CNBD1: variants seen among roughly 807,000 people sequenced by gnomAD.
The protein encoded by CNBD1 is cyclic nucleotide binding domain containing 1.
A neutral mutation model predicts 54.4 loss-of-function variants in CNBD1; 71 were observed. That is an observed-to-expected ratio of 1.30 (90% CI 1.08 to 1.59). The LOEUF (loss-of-function observed/expected upper bound fraction) is 1.59. CNBD1 is among the 40% of genes most tolerant of loss of function. CNBD1 has a pLI of 0.00. For synonymous variants in CNBD1, 182 were observed against 170.7 expected (o/e 1.07, Z -0.51); for missense variants, 659 against 518.0 (o/e 1.27, Z -2.64).
Position 87,170,965 on chromosome 8 carries a change from G to A in CNBD1, c.432-35028G>A, listed in dbSNP as rs147899772. ...CAATATTCATCGGAGATATTGGTCT[G>A]TAGGTTTTTTTGTGTATGTGATGTG... On this transcript the variant is annotated intron_variant, in intron 4 of 10. Transcript: ENST00000518476. 3.3e-5 allele frequency among the ~76,000 whole-genome samples: 5 copies of A among 152,186 alleles called. No individual in the cohort carries two copies. In the East Asian group the frequency reaches 9.7e-4, roughly 29 times the overall value.
intron 6 of CNBD1, among the ~76,000 whole-genome samples, chr8:87,267,149 C>G (rs991066630): frequency 3.3e-5 from 5 of 152,022 alleles, no homozygotes; most frequent in African/African-American, 9.6e-5. Flanking sequence ...TAGTGATCAA[C>G]AAATCAAAAA....
At chr8:87,181,092 C>A (rs1813302178) in intron 4 of CNBD1, among the ~76,000 whole-genome samples, 1 of 152,254 alleles carries the variant, frequency 6.6e-6, no homozygotes, top group Admixed American at 6.5e-5. Context: ...TCCTCCCTTA[C>A]CTCCTTGATG....
chr8:87,416,344 TG>T (rs1447268270), intron 2 of CNBD1, among the ~76,000 whole-genome samples: 1 of 152,062 alleles, frequency 6.6e-6, no homozygotes, highest in Non-Finnish European at 1.5e-5. Flanking sequence ...TTCAGTTATT[TG>T]CAAATTAACC....
At chr8:86,923,736 A>G (rs1487332304) in intron 3 of CNBD1, among the ~76,000 whole-genome samples, 1 of 152,170 alleles carries the variant, frequency 6.6e-6, no homozygotes, top group Non-Finnish European at 1.5e-5. Context: ...GCTTTCATTT[A>G]GTTCAGTTTT....
intron 4 of CNBD1, among the ~76,000 whole-genome samples, chr8:87,047,192 C>T (rs1249791125): frequency 6.6e-6 from 1 of 152,098 alleles, no homozygotes; most frequent in Non-Finnish European, 1.5e-5. Context: ...CAGAGGGAGG[C>T]ATCTGCTATC....
At chr8:87,098,043 G>T (rs184173612) in intron 4 of CNBD1, among the ~76,000 whole-genome samples, 10 of 152,260 alleles carry the variant, frequency 6.6e-5, no homozygotes, top group Admixed American at 5.2e-4. Context: ...AAATTCTCAA[G>T]AATGATCAAC....
chr8:87,065,041 T>A (rs1170296803), intron 4 of CNBD1, among the ~76,000 whole-genome samples: 2 of 151,920 alleles, frequency 1.3e-5, no homozygotes, highest in Non-Finnish European at 2.9e-5. Context: ...AAATTCTCCA[T>A]CTATGTTTAT....
intron 5 of CNBD1, among the ~76,000 whole-genome samples, chr8:87,210,322 CA>C (rs1051523899): frequency 1.3e-5 from 2 of 152,058 alleles, no homozygotes; most frequent in Non-Finnish European, 2.9e-5. Flanking sequence ...ACAACAAGAA[CA>C]AAAAAGCTAT....
At chr8:86,889,136 C>T (rs5027373) in intron 2 of CNBD1, among the ~76,000 whole-genome samples, 31,721 of 152,028 alleles carry the variant, frequency 0.21, 4,211 homozygotes, top group Admixed American at 0.35. Flanking sequence ...CACTGGTACA[C>T]ACCAGGGGCC....
chr8:87,341,041 G>A (rs1266475786), intron 8 of CNBD1, among the ~76,000 whole-genome samples: 2 of 152,024 alleles, frequency 1.3e-5, no homozygotes, highest in African/African-American at 2.4e-5. Flanking sequence ...ATACAGGGAA[G>A]GACTTTTATC....
intron 2 of CNBD1, among the ~76,000 whole-genome samples, chr8:87,409,578 T>C (rs1227450607): frequency 6.6e-6 from 1 of 152,114 alleles, no homozygotes; most frequent in African/African-American, 2.4e-5. Context: ...TCTTCAACTT[T>C]CATAGCAGGA....
chr8:86,911,326 C>T (rs916614861), intron 3 of CNBD1, among the ~76,000 whole-genome samples: 1 of 152,184 alleles, frequency 6.6e-6, no homozygotes, highest in African/African-American at 2.4e-5. Flanking sequence ...CCTTCACCCT[C>T]ACTATCTGCC....
chr8:87,164,996 GA>G (rs1368259244), intron 4 of CNBD1, among the ~76,000 whole-genome samples: 1 of 151,462 alleles, frequency 6.6e-6, no homozygotes, highest in Non-Finnish European at 1.5e-5. Context: ...TAAGTCACAA[GA>G]TTTTTTTTTT....
At chr8:87,197,662 A>G (rs1485159141) in intron 4 of CNBD1, among the ~76,000 whole-genome samples, 1 of 152,210 alleles carries the variant, frequency 6.6e-6, no homozygotes, top group Non-Finnish European at 1.5e-5. Flanking sequence ...TTGATCAGGA[A>G]TGATATTTCC....
intron 2 of CNBD1, among the ~76,000 whole-genome samples, chr8:87,405,126 C>G (rs890449898): frequency 6.6e-6 from 1 of 151,892 alleles, no homozygotes; most frequent in Non-Finnish European, 1.5e-5. Flanking sequence ...ACTTGCAGGA[C>G]TTAATATACT....
chr8:87,045,030 G>T (rs903416805), intron 4 of CNBD1, among the ~76,000 whole-genome samples: 1 of 152,124 alleles, frequency 6.6e-6, no homozygotes, highest in Admixed American at 6.5e-5. Flanking sequence ...CCTAACTGCT[G>T]TTAGGAAGGT....
At chr8:87,262,291 C>T (rs990018888) in intron 6 of CNBD1, among the ~76,000 whole-genome samples, 34 of 152,252 alleles carry the variant, frequency 2.2e-4, no homozygotes, top group African/African-American at 7.9e-4. Flanking sequence ...AGCTTTCCTC[C>T]TTTGATAGAA....
At chr8:86,948,476 T>C (rs1286424809) in intron 4 of CNBD1, among the ~76,000 whole-genome samples, 2 of 152,156 alleles carry the variant, frequency 1.3e-5, no homozygotes, top group Non-Finnish European at 2.9e-5. Context: ...TGACACCTCA[T>C]TGTAGTTTTG....
intron 4 of CNBD1, among the ~76,000 whole-genome samples, chr8:87,063,090 G>A (rs1586231114): frequency 6.6e-6 from 1 of 152,256 alleles, no homozygotes; most frequent in South Asian, 2.1e-4. Flanking sequence ...AACTACTGAG[G>A]TCTGCAATGA....
Sources: gnomAD v4.1 joint callset for allele counts (sites outside exome capture counted in the v4.1 genomes callset) on GRCh38, gnomAD v4.1.1 for gene constraint, MANE v1.5 for transcripts, NCBI Gene and HGNC (gene_info 2026-07-23, HGNC 2026-07-21) for gene names.